INSR: variants seen among roughly 807,000 people sequenced by gnomAD.
The protein encoded by INSR is insulin receptor, also known as IR.
A neutral mutation model predicts 142.6 loss-of-function variants in INSR; 67 were observed. The ratio of observed to expected loss-of-function variants is 0.47; its 90% CI spans 0.39 to 0.58. INSR has a LOEUF of 0.58. INSR is among the 20% of genes least tolerant of loss of function. The pLI, the probability that INSR is intolerant of heterozygous loss-of-function variation, is 0.00. For missense variants in INSR, 1,248 were observed against 1,833.2 expected (o/e 0.68, Z 5.83); for synonymous variants, 756 against 743.1 (o/e 1.02, Z -0.28).
At position 7,158,598 on chromosome 19, in the gene INSR, G is replaced by T. The variant is rs1973673476; in HGVS notation, c.2029+4434C>A. On this transcript the variant is annotated intron_variant, in intron 9 of 21. Coordinates refer to ENST00000302850, the MANE Select transcript of INSR (RefSeq NM_000208.4). Reference sequence around the variant, plus strand: ...AGGAGGATGGTGGGTGCTGGGGCTGGGGGAAGGAGAAGGGGAGTGAGTGTT... The same window carrying T: ...AGGAGGATGGTGGGTGCTGGGGCTGTGGGAAGGAGAAGGGGAGTGAGTGTT... Among the ~76,000 whole-genome samples the T allele has an allele frequency of 2.0e-5, 3 of 152,162 alleles. No individual in the cohort carries two copies. In the South Asian group the frequency reaches 6.2e-4, roughly 32 times the overall value.
At position 7,225,207 on chromosome 19, in the gene INSR, G is replaced by A. The variant is rs984925514; in HGVS notation, c.653-40570C>T. Among the ~76,000 whole-genome samples the A allele has an allele frequency of 6.6e-6, 1 of 152,142 alleles. No homozygotes were observed. Among genetic ancestry groups the A allele is most frequent in the Admixed American group, 6.6e-5 (1 of 15,260 alleles). ...GAGGCACAGAGAGGTTCAGTAACCT[G>A]CCCATGGTCACACAGCTATTGAGCG... On this transcript the variant is annotated intron_variant, in intron 2 of 21. Transcript: ENST00000302850. This position sits in a 1 kb window ranked among gnomAD's most constrained non-coding sequence, Gnocchi z 4.7.
At chr19:7,290,168 G>A (rs1040696072) in intron 1 of INSR, among the ~76,000 whole-genome samples, 1 of 152,208 alleles carries the variant, frequency 6.6e-6, no homozygotes, top group Non-Finnish European at 1.5e-5. Context: ...ACTTCGGGAG[G>A]CCAAGGCAGG....
rs1390904578 is a variant in INSR, at chr19:7,152,998, CCA to C, written c.2030-73_2030-72del. 4,136 of 730,232 alleles carry C rather than the reference CCA, an allele frequency of 5.7e-3. 178 individuals carry two copies. In the East Asian group the frequency reaches 0.11, roughly 19 times the overall value. 45.2% of individuals were successfully genotyped at this position (730,232 alleles called of 1,614,324 possible). A position where few individuals can be genotyped will look rare whatever the true frequency, so the allele number is the denominator to read the frequency against. On this transcript the variant is annotated intron_variant, in intron 9 of 21. Coordinates refer to ENST00000302850, the MANE Select transcript of INSR (RefSeq NM_000208.4). ...ACACACATACACACACACACACACC[CCA>C]CACACACACACACCACACACACACA... is the stretch of plus-strand genomic sequence containing the variant.
intron 8 of INSR, among the ~76,000 whole-genome samples, chr19:7,164,814 G>A (rs1338805484): frequency 1.6e-4 from 16 of 97,820 alleles, no homozygotes; most frequent in Admixed American, 1.2e-3. Flanking sequence ...CAACAAGAGC[G>A]AAACTCCATC....
At chr19:7,263,086 T>C (rs778024344) in intron 2 of INSR, among the ~76,000 whole-genome samples, 10 of 152,168 alleles carry the variant, frequency 6.6e-5, no homozygotes, top group East Asian at 1.9e-4. Context: ...GAGACCATCC[T>C]GGCCAACATG....
At chr19:7,211,378 A>C (rs938185058) in intron 2 of INSR, among the ~76,000 whole-genome samples, 1 of 152,174 alleles carries the variant, frequency 6.6e-6, no homozygotes, top group Non-Finnish European at 1.5e-5. Flanking sequence ...CTTATTTAGC[A>C]ATAAGCTACA....
chr19:7,153,491 C>T (rs1310180980), intron 9 of INSR, among the ~76,000 whole-genome samples: 63 of 144,656 alleles, frequency 4.4e-4, no homozygotes, highest in South Asian at 8.6e-4. Context: ...ACACGCACCA[C>T]ACACACACAC....
intron 3 of INSR, among the ~76,000 whole-genome samples, 175 bp from the exon 4 acceptor site, chr19:7,174,906 G>A (rs769256691): frequency 2.0e-5 from 3 of 152,098 alleles, no homozygotes; most frequent in Non-Finnish European, 4.4e-5. Context: ...GCAGTGGTGC[G>A]ATCTCAGCTC....
intron 7 of INSR, 87 bp downstream of exon 7, chr19:7,167,881 A>C: frequency 6.4e-7 from 1 of 1,553,982 alleles, no homozygotes; most frequent in Non-Finnish European, 8.9e-7. Flanking sequence ...ACAGGAACCC[A>C]AGAGGGGCAG....
At position 7,117,533 on chromosome 19, in the gene INSR, C is replaced by G. The variant is rs1972367182; in HGVS notation, c.3795-123G>C. ...CACATGTGCTCACATCAGATGCTGG[C>G]TGTGTGTGTGGACAATTGTCAAGGC... On this transcript the variant is annotated intron_variant, in intron 21 of 21. Coordinates refer to ENST00000302850, the MANE Select transcript of INSR (RefSeq NM_000208.4). 1.0e-5 allele frequency: 7 copies of G among 674,464 alleles called. No individual in the cohort carries two copies. In the South Asian group the frequency reaches 1.1e-4, roughly 11 times the overall value. The allele number at this position is 674,464 out of a possible 1,614,324, so 41.8% of individuals were successfully genotyped here.
Position 7,116,396 on chromosome 19 carries a change from C to T in INSR, c.*660G>A, listed in dbSNP as rs1463745266. Reference sequence around the variant, plus strand: ...ATGGATACTTTGCACACACATCAGCCGTGTCTAATGGACACACACACGTGC... The same window carrying T: ...ATGGATACTTTGCACACACATCAGCTGTGTCTAATGGACACACACACGTGC... On this transcript the variant is annotated 3_prime_UTR_variant, in exon 22 of 22. Coordinates refer to ENST00000302850, the MANE Select transcript of INSR (RefSeq NM_000208.4). 2 of 152,384 alleles carry T rather than the reference C, an allele frequency of 1.3e-5. No individual in the cohort carries two copies. The highest frequency in any genetic ancestry group is 2.1e-4 in the South Asian group (1 of 4,820). 9.4% of individuals were successfully genotyped at this position (152,384 alleles called of 1,614,324 possible). A position where few individuals can be genotyped will look rare whatever the true frequency, so the allele number is the denominator to read the frequency against.
At chr19:7,120,007 T>C (rs1972449185) in intron 20 of INSR, among the ~76,000 whole-genome samples, 1 of 152,178 alleles carries the variant, frequency 6.6e-6, no homozygotes, top group African/African-American at 2.4e-5. Context: ...GGAAAATCAA[T>C]TTGGGGCTCC....
intron 21 of INSR, among the ~76,000 whole-genome samples, chr19:7,118,424 TCTC>T (rs1177467962): frequency 6.6e-6 from 1 of 151,700 alleles, no homozygotes; most frequent in African/African-American, 2.4e-5. Context: ...TTCAAGCAAT[TCTC>T]CTGCCTCAGC....
In INSR at chr19:7,271,221, C is replaced by T. The variant is rs577276901; in HGVS notation, c.101-3325G>A. 5.3e-5 allele frequency among the ~76,000 whole-genome samples: 8 copies of T among 152,274 alleles called. No homozygotes were observed. The South Asian group carries it at 1.7e-3, about 32-fold the overall frequency. ...AAAGAATGTAAAGAAATGGGCCGGGCACCGTGGCTCACACTTGTAATCCCA... is the reference window on the plus strand; with the variant it reads ...AAAGAATGTAAAGAAATGGGCCGGGTACCGTGGCTCACACTTGTAATCCCA... On this transcript the variant is annotated intron_variant, in intron 1 of 21. Transcript: ENST00000302850.
intron 2 of INSR, among the ~76,000 whole-genome samples, chr19:7,255,966 G>T: frequency 6.6e-6 from 1 of 151,952 alleles, no homozygotes; most frequent in East Asian, 1.9e-4. Context: ...CTTTTACAAA[G>T]GCCAACGGCA....
In INSR at chr19:7,192,226, GAGAA is replaced by G. The variant is rs961225198; in HGVS notation, c.653-7593_653-7590del. Among the ~76,000 whole-genome samples the G allele has an allele frequency of 7.6e-4, 98 of 129,368 alleles. No homozygotes were observed. Among genetic ancestry groups the G allele is most frequent in the African/African-American group, 2.7e-3 (94 of 34,690 alleles). The allele number at this position is 129,368 out of a possible 152,430, so 84.9% of individuals were successfully genotyped here. A position where few individuals can be genotyped will look rare whatever the true frequency, so the allele number is the denominator to read the frequency against. Reference sequence around the variant, plus strand: ...AGAAAGAAAGGAGAAAGAAAAGAAAGAGAAAGAAGGAAGGGAGGGAGGGAAGAAA... The same window carrying G: ...AGAAAGAAAGGAGAAAGAAAAGAAAGAGAAGGAAGGGAGGGAGGGAAGAAA... On this transcript the variant is annotated intron_variant, in intron 2 of 21. Coordinates refer to ENST00000302850, the MANE Select transcript of INSR (RefSeq NM_000208.4). This position sits in a 1 kb window ranked among gnomAD's most constrained non-coding sequence, Gnocchi z 4.2.
chr19:7,143,729 C>T (rs1322276588), intron 11 of INSR, among the ~76,000 whole-genome samples: 4 of 152,080 alleles, frequency 2.6e-5, no homozygotes, highest in Non-Finnish European at 4.4e-5. Flanking sequence ...TGATAGCTAA[C>T]AAATTTTAAA....
At chr19:7,251,845 GT>G (rs1221916528) in intron 2 of INSR, among the ~76,000 whole-genome samples, 2 of 151,852 alleles carry the variant, frequency 1.3e-5, no homozygotes, top group Non-Finnish European at 2.9e-5. Flanking sequence ...TGAACCTGTG[GT>G]TTTTTTATGT....
intron 1 of INSR, among the ~76,000 whole-genome samples, chr19:7,276,619 T>A (rs1311323878): frequency 6.6e-6 from 1 of 152,204 alleles, no homozygotes; most frequent in Non-Finnish European, 1.5e-5. Flanking sequence ...ACACTAGAAA[T>A]CTAACGAATC....
Sources: gnomAD v4.1 joint callset for allele counts (sites outside exome capture counted in the v4.1 genomes callset) on GRCh38, gnomAD v4.1.1 for gene constraint, Gnocchi (gnomAD v3.1) non-coding constraint, MANE v1.5 for transcripts, NCBI Gene and HGNC (gene_info 2026-07-23, HGNC 2026-07-21) for gene names.